The following TFDP1 variants were observed in gnomAD, a reference collection of about 807,000 sequenced individuals.
The protein encoded by TFDP1 is transcription factor Dp-1.
In TFDP1, 6 loss-of-function variants were observed where a neutral mutation model predicts 48.0. The ratio of observed to expected loss-of-function variants is 0.13; its 90% CI spans 0.07 to 0.25. The LOEUF is 0.25. Ranked by LOEUF, TFDP1 falls within the 10% of genes least tolerant of loss-of-function variation. The probability of loss-of-function intolerance (pLI) is 1.00; values close to 1 mark genes in which losing one functional copy is unlikely to be tolerated. For missense variants in TFDP1, 335 were observed against 543.0 expected (o/e 0.62, Z 3.81); for synonymous variants, 201 against 211.6 (o/e 0.95, Z 0.44).
intron 2 of TFDP1, among the ~76,000 whole-genome samples, chr13:113,602,936 A>G (rs2048474117): frequency 6.6e-6 from 1 of 151,836 alleles, no homozygotes; most frequent in South Asian, 2.1e-4. Context: ...GTCTTGGGCC[A>G]CATAAAATAG....
At chr13:113,600,816 C>T (rs952682645) in intron 2 of TFDP1, among the ~76,000 whole-genome samples, 5 of 142,946 alleles carry the variant, frequency 3.5e-5, no homozygotes, top group Non-Finnish European at 5.9e-5. Flanking sequence ...GCTACAGGAC[C>T]GTGAGAGACA....
At chr13:113,609,823 G>A (rs146860677) in intron 2 of TFDP1, among the ~76,000 whole-genome samples, 2 of 152,262 alleles carry the variant, frequency 1.3e-5, no homozygotes, top group African/African-American at 4.8e-5. Context: ...TGCCTGAGGT[G>A]CGTGGCCTCC....
At chr13:113,636,411 C>T in intron 9 of TFDP1, 123 bp from the exon 10 acceptor site, 10 of 1,165,508 alleles carry the variant, frequency 8.6e-6, no homozygotes, top group Non-Finnish European at 1.2e-5. Flanking sequence ...TGAGGAGACA[C>T]TGATGACTGG....
At chr13:113,617,856 T>C (rs915782977) in intron 3 of TFDP1, among the ~76,000 whole-genome samples, 3 of 152,248 alleles carry the variant, frequency 2.0e-5, no homozygotes, top group African/African-American at 7.2e-5. Flanking sequence ...TCTTAAGCCC[T>C]ATAGATATTA....
At chr13:113,632,831 T>A (rs2049373644) in intron 5 of TFDP1, among the ~76,000 whole-genome samples, 2 of 152,206 alleles carry the variant, frequency 1.3e-5, no homozygotes, top group South Asian at 4.1e-4. Context: ...CCGGCACATC[T>A]CCCATATGCT....
intron 2 of TFDP1, among the ~76,000 whole-genome samples, chr13:113,595,961 A>G: frequency 6.6e-6 from 1 of 152,232 alleles, no homozygotes; most frequent in East Asian, 1.9e-4. Context: ...GGGCACCTGT[A>G]GTCCCAGCTA....
At chr13:113,586,024 G>A in intron 2 of TFDP1, 175 bp downstream of exon 2, 1 of 661,340 alleles carries the variant, frequency 1.5e-6, no homozygotes, top group Non-Finnish European at 2.4e-6. Context: ...GATCTCTGAA[G>A]CTGCGGTCAC....
intron 3 of TFDP1, among the ~76,000 whole-genome samples, chr13:113,620,647 G>C (rs1051247715): frequency 1.7e-4 from 26 of 152,196 alleles, no homozygotes; most frequent in Non-Finnish European, 8.8e-5. Context: ...ATTACACCGT[G>C]TATATGTGCA....
Position 113,634,615 on chromosome 13 carries a change from G to A in TFDP1, c.687+13G>A, listed in dbSNP as rs1237856831. 13 of 1,591,686 alleles carry A rather than the reference G, an allele frequency of 8.2e-6. No individual in the cohort carries two copies. Among genetic ancestry groups the A allele is most frequent in the African/African-American group, 1.4e-5 (1 of 73,996 alleles). ...ACTTATTCTACAGGTAAGAGAATAC[G>A]TATCTGTGGAGGCAGGGTAATTTTT... On this transcript the variant is annotated intron_variant, in intron 8 of 11. Transcript: ENST00000375370.
chr13:113,587,120 T>A (rs1054104305), intron 2 of TFDP1, among the ~76,000 whole-genome samples: 3 of 152,188 alleles, frequency 2.0e-5, no homozygotes, highest in Admixed American at 1.3e-4. Context: ...GGATGGTGTT[T>A]TCGGGGCCCT....
chr13:113,602,360 A>T (rs181662592), intron 2 of TFDP1, among the ~76,000 whole-genome samples: 2 of 152,066 alleles, frequency 1.3e-5, no homozygotes, highest in African/African-American at 2.4e-5. Context: ...AGGGGAGCGG[A>T]TGGAGTTCTC....
chr13:113,625,474 GTTTCTCAGGTGTC>G (rs1566666775), intron 4 of TFDP1, among the ~76,000 whole-genome samples: 1 of 84,220 alleles, frequency 1.2e-5, no homozygotes. Context: ...GTCCTCAGGT[GTTTCTCAGGTGTC>G]TCTCACGTGT....
In TFDP1 at chr13:113,636,035, G is replaced by A. The variant is rs747551137; in HGVS notation, c.746G>A (p.Arg249Gln). Residue 249 changes from arginine (R) to glutamine (Q), a missense_variant, in exon 9 of 12, where the codon CGG becomes CAG. By Grantham distance (43) the Arg-to-Gln change is conservative. Around this residue, in one of 3 missense-constraint regions of TFDP1, gnomAD observed 204 missense variants for 287.1 expected, o/e 0.71. Transcript: ENST00000375370. ...CGGCATGCGGAGCAGCAGGCCAGCC[G>A]GCCACCGCCACCCAACTCAGTCATC... ...RNRHAEQQAS[R>Q]PPPPNSVIHL... 8.7e-6 allele frequency: 14 copies of A among 1,613,976 alleles called. No individual in the cohort carries two copies. The highest frequency in any genetic ancestry group is 3.3e-5 in the South Asian group (3 of 91,084).
chr13:113,634,917 G>GCA (rs1299049879), intron 8 of TFDP1, among the ~76,000 whole-genome samples: 2 of 152,122 alleles, frequency 1.3e-5, no homozygotes, highest in Non-Finnish European at 2.9e-5. Context: ...GTGTGCGTGT[G>GCA]TGTGTGTGCA....
At chr13:113,637,525 C>G (rs1006017612) in intron 10 of TFDP1, 2 of 1,261,596 alleles carry the variant, frequency 1.6e-6, no homozygotes, top group Admixed American at 2.6e-5. Flanking sequence ...GGTTCCGTTT[C>G]ACGATGGGTA....
chr13:113,633,012 G>A lies in TFDP1; in HGVS notation c.309-108G>A. The A allele has an allele frequency of 1.4e-6, 2 of 1,402,532 alleles. No individual in the cohort carries two copies. Among genetic ancestry groups the A allele is most frequent in the Middle Eastern group, 1.8e-4 (1 of 5,414 alleles). 86.9% of individuals were successfully genotyped at this position (1,402,532 alleles called of 1,614,324 possible). ...GGATCTGCTGCGCCCGTGGGACGTG[G>A]CCCCTTTTTGTGCAGCTCATTAGAG... is the stretch of plus-strand genomic sequence containing the variant. On this transcript the variant is annotated intron_variant, in intron 5 of 11. Coordinates refer to ENST00000375370, the MANE Select transcript of TFDP1 (RefSeq NM_007111.5). This position sits in a 1 kb window ranked among gnomAD's most constrained non-coding sequence, Gnocchi z 4.5.
intron 2 of TFDP1, among the ~76,000 whole-genome samples, chr13:113,587,546 G>A (rs991553000): frequency 6.2e-5 from 9 of 144,068 alleles, no homozygotes; most frequent in East Asian, 2.1e-4. Context: ...GTGCAGTGAC[G>A]CGATCTTGGC....
At position 113,607,681 on chromosome 13, in the gene TFDP1, A is replaced by G. The variant is rs1025642238; in HGVS notation, c.13-3315A>G. ...CCTGGAAGGGCCGCCCGGGTCCACA[A>G]CCTGGCCCGTTAACTCCCTGGGCAG... On this transcript the variant is annotated intron_variant, in intron 2 of 11. Coordinates refer to ENST00000375370, the MANE Select transcript of TFDP1 (RefSeq NM_007111.5). The surrounding 1 kb of genome is among the most constrained non-coding windows in gnomAD (Gnocchi z 5.2). Among the ~76,000 whole-genome samples, 7 of 152,260 alleles carry G rather than the reference A, an allele frequency of 4.6e-5. No homozygotes were observed. The highest frequency in any genetic ancestry group is 3.3e-4 in the Admixed American group (5 of 15,304).
At chr13:113,588,726 AGT>A (rs2048065671) in intron 2 of TFDP1, among the ~76,000 whole-genome samples, 1 of 151,636 alleles carries the variant, frequency 6.6e-6, no homozygotes, top group Non-Finnish European at 1.5e-5. Flanking sequence ...CTTGATGGAG[AGT>A]GAGTGGTGGT....
Sources: gnomAD v4.1 joint callset for allele counts (sites outside exome capture counted in the v4.1 genomes callset) on GRCh38, gnomAD v4.1.1 for gene constraint, gnomAD v4.1.1 regional missense constraint, Gnocchi (gnomAD v3.1) non-coding constraint, MANE v1.5 for transcripts, NCBI Gene and HGNC (gene_info 2026-07-23, HGNC 2026-07-21) for gene names.